KCNJ5: variants seen among roughly 807,000 people sequenced by gnomAD.
KCNJ5 encodes potassium inwardly rectifying channel subfamily J member 5, also known as G protein-activated inward rectifier potassium channel 4.
In KCNJ5, 12 loss-of-function variants were observed where a neutral mutation model predicts 20.2. That is an observed-to-expected ratio of 0.59 (90% confidence interval 0.38 to 0.96). The LOEUF is 0.96. Ranked by LOEUF, KCNJ5 falls within the 40% of genes least tolerant of loss-of-function variation. KCNJ5 has a pLI of 0.00. For synonymous variants in KCNJ5, 210 were observed against 213.9 expected (o/e 0.98, Z 0.16); for missense variants, 449 against 557.6 (o/e 0.81, Z 1.96).
Position 128,916,556 on chromosome 11 carries a change from G to T in KCNJ5, c.1085G>T (p.Cys362Phe). 1 of 1,614,154 alleles carries T rather than the reference G, an allele frequency of 6.2e-7. No individual in the cohort carries two copies. Among genetic ancestry groups the T allele is most frequent in the Non-Finnish European group, 8.5e-7 (1 of 1,180,020 alleles). ...HDTYETNTPS[C>F]CAKELAEMKR... ...ACCTATGAGACCAACACACCCAGCT[G>T]CTGTGCCAAGGAGCTGGCAGAAATG... Residue 362 changes from cysteine (C) to phenylalanine (F), a missense_variant, in exon 3 of 3, where the codon TGC becomes TTC. By Grantham distance (205) the Cys-to-Phe change is radical. Coordinates refer to ENST00000529694, the MANE Select transcript of KCNJ5 (RefSeq NM_000890.5).
chr11:128,893,762 G>A (rs61910641), intron 1 of KCNJ5, among the ~76,000 whole-genome samples: 6,988 of 152,278 alleles, frequency 0.046, 220 homozygotes, highest in Non-Finnish European at 0.061. Flanking sequence ...CCAAAGCTTA[G>A]CTGTCTTCTC....
At chr11:128,906,701 G>C (rs988979564) in intron 1 of KCNJ5, among the ~76,000 whole-genome samples, 1 of 152,170 alleles carries the variant, frequency 6.6e-6, no homozygotes, top group African/African-American at 2.4e-5. Context: ...AGCCCCCTCT[G>C]TCTAATTCCT....
In KCNJ5 at chr11:128,902,837, G is replaced by C. The variant is rs947547716; in HGVS notation, c.-10-8427G>C. On this transcript the variant is annotated intron_variant, in intron 1 of 2. Coordinates refer to ENST00000529694, the MANE Select transcript of KCNJ5 (RefSeq NM_000890.5). ...CCATGGGCAGAAAAGGCCTCTCTCC[G>C]ACTCCCTAGCCCAGAAATACGAACC... The C allele has an allele frequency of 9.3e-6, 10 of 1,078,284 alleles. No homozygotes were observed. In the Admixed American group the frequency reaches 2.5e-4, roughly 27 times the overall value. The allele number at this position is 1,078,284 out of a possible 1,614,324, so 66.8% of individuals were successfully genotyped here.
chr11:128,895,591 T>A (rs1369455867), intron 1 of KCNJ5, among the ~76,000 whole-genome samples: 5 of 152,176 alleles, frequency 3.3e-5, no homozygotes, highest in Admixed American at 6.5e-5. Context: ...GAAGTGTCCT[T>A]CTCCAGAAGA....
At chr11:128,900,067 T>C (rs1944247416) in intron 1 of KCNJ5, 1 of 152,242 alleles carries the variant, frequency 6.6e-6, no homozygotes, top group Non-Finnish European at 1.5e-5. Flanking sequence ...CTTTCGAATC[T>C]ATATTCCATA....
In KCNJ5 at chr11:128,920,910, C is replaced by T. The variant is rs528161482; in HGVS notation, c.*4179C>T. 6 of 152,382 alleles carry T rather than the reference C, an allele frequency of 3.9e-5. No homozygotes were observed. The highest frequency in any genetic ancestry group is 2.0e-4 in the Admixed American group (3 of 15,308). The allele number at this position is 152,382 out of a possible 1,614,324, so 9.4% of individuals were successfully genotyped here. Reference sequence around the variant, plus strand: ...TTCCATCCATGATGTGCCCCTGTGGCGGGATAATTGGGAAACAACCTTTTT... The same window carrying T: ...TTCCATCCATGATGTGCCCCTGTGGTGGGATAATTGGGAAACAACCTTTTT... On this transcript the variant is annotated 3_prime_UTR_variant, in exon 3 of 3. Transcript: ENST00000529694.
At chr11:128,907,741 C>T (rs1329587978) in intron 1 of KCNJ5, among the ~76,000 whole-genome samples, 1 of 152,198 alleles carries the variant, frequency 6.6e-6, no homozygotes, top group Non-Finnish European at 1.5e-5. Context: ...AGGCCAGCCA[C>T]AGCATTCCTC....
At chr11:128,896,149 A>C (rs943886160) in intron 1 of KCNJ5, among the ~76,000 whole-genome samples, 1 of 151,952 alleles carries the variant, frequency 6.6e-6, no homozygotes, top group Non-Finnish European at 1.5e-5. Flanking sequence ...TCTTGATCAT[A>C]AATGCCGTTT....
At chr11:128,909,428 T>C (rs979034583) in intron 1 of KCNJ5, among the ~76,000 whole-genome samples, 2 of 152,202 alleles carry the variant, frequency 1.3e-5, no homozygotes, top group African/African-American at 4.8e-5. Context: ...AAAGCACTTA[T>C]TAGGGGAACT....
At chr11:128,904,558 C>CAGTGATGTTGACGCGGCTG in intron 1 of KCNJ5, 2 of 1,119,934 alleles carry the variant, frequency 1.8e-6, no homozygotes, top group Non-Finnish European at 2.7e-6. Flanking sequence ...GGACCAGCCG[C>CAGTGATGTTGACGCGGCTG]GTCAACATCA....
intron 1 of KCNJ5, chr11:128,905,546 A>C (rs1359291630): frequency 6.7e-6 from 1 of 148,384 alleles, no homozygotes; most frequent in Non-Finnish European, 1.5e-5. Context: ...CCCCCGTCCC[A>C]ACCTCCTCCC....
At chr11:128,904,715 A>C in intron 1 of KCNJ5, 17 of 593,692 alleles carry the variant, frequency 2.9e-5, no homozygotes, top group East Asian at 5.6e-5. Flanking sequence ...CCCAGAGCTC[A>C]ACATAATTCA....
At chr11:128,902,722 G>A in intron 1 of KCNJ5, 5 of 1,595,642 alleles carry the variant, frequency 3.1e-6, no homozygotes, top group South Asian at 1.1e-5. Flanking sequence ...ACCTGTTGGT[G>A]CAAACAGGGA....
chr11:128,897,183 C>T (rs1253818042), intron 1 of KCNJ5, among the ~76,000 whole-genome samples: 5 of 150,980 alleles, frequency 3.3e-5, no homozygotes, highest in African/African-American at 1.2e-4. Flanking sequence ...CTGCAACCTC[C>T]GCCTCCTGAG....
chr11:128,916,011 T>TTG (rs1944573735), intron 2 of KCNJ5, among the ~76,000 whole-genome samples: 3 of 108,320 alleles, frequency 2.8e-5, no homozygotes, highest in African/African-American at 1.1e-4. Context: ...GATGGATGGA[T>TTG]GATTGGATGG....
Position 128,917,849 on chromosome 11 carries a change from A to T in KCNJ5, c.*1118A>T. 1 of 152,446 alleles carries T rather than the reference A, an allele frequency of 6.6e-6. No homozygotes were observed. The highest frequency in any genetic ancestry group is 1.5e-5 in the Non-Finnish European group (1 of 68,256). 9.4% of individuals were successfully genotyped at this position (152,446 alleles called of 1,614,324 possible). The stretch of plus-strand genomic sequence containing the variant: ...GGCGGGTGGATCATGAGGTCAGGAG[A>T]TCGAGACCATCCTGGCTAACACGGT... On this transcript the variant is annotated 3_prime_UTR_variant, in exon 3 of 3. Transcript: ENST00000529694.
chr11:128,913,379 C>T (rs1944530403), intron 2 of KCNJ5, among the ~76,000 whole-genome samples: 1 of 152,250 alleles, frequency 6.6e-6, no homozygotes, highest in South Asian at 2.1e-4. Flanking sequence ...CAGCTACTGA[C>T]TCACCAGCAG....
intron 1 of KCNJ5, among the ~76,000 whole-genome samples, chr11:128,891,979 CTGGGGG>C (rs1944099154): frequency 1.3e-5 from 2 of 152,280 alleles, no homozygotes; most frequent in African/African-American, 2.4e-5. Flanking sequence ...CCAGGGCTAC[CTGGGGG>C]TGCCCCAGAT....
chr11:128,902,784 G>A, intron 1 of KCNJ5: 1 of 1,495,872 alleles, frequency 6.7e-7, no homozygotes, highest in Non-Finnish European at 9.0e-7. Context: ...AGCACTCTCA[G>A]CCTAACTCAC....
Sources: gnomAD v4.1 joint callset for allele counts (sites outside exome capture counted in the v4.1 genomes callset) on GRCh38, gnomAD v4.1.1 for gene constraint, MANE v1.5 for transcripts, NCBI Gene and HGNC (gene_info 2026-07-23, HGNC 2026-07-21) for gene names.